UNKL: variants seen among roughly 807,000 people sequenced by gnomAD.
UNKL encodes putative E3 ubiquitin-protein ligase UNKL.
Under a neutral mutation model 78.0 loss-of-function variants are expected in UNKL, and 60 were observed. The ratio of observed to expected loss-of-function variants is 0.77; its 90% CI spans 0.63 to 0.95. UNKL has a LOEUF of 0.95. Ranked by LOEUF, UNKL falls within the 40% of genes least tolerant of loss-of-function variation. The pLI is 0.00. For synonymous variants in UNKL, 608 were observed against 474.8 expected (o/e 1.28, Z -3.65); for missense variants, 1,159 against 1,045.7 (o/e 1.11, Z -1.49).
intron 7 of UNKL, 128 bp from the exon 8 acceptor site, chr16:1,393,104 G>T: frequency 1.0e-6 from 1 of 960,532 alleles, no homozygotes; most frequent in Non-Finnish European, 1.6e-6. Flanking sequence ...CAGGGGTGCG[G>T]CAGAGGACGG....
chr16:1,396,974 T>G, intron 6 of UNKL: 1 of 577,562 alleles, frequency 1.7e-6, no homozygotes, highest in Non-Finnish European at 3.1e-6. Context: ...AGAGACTCGC[T>G]GGCTGAGGGC....
At position 1,370,377 on chromosome 16, in the gene UNKL, C is replaced by T. The variant is rs1439137121; in HGVS notation, c.1358-20G>A. On this transcript the variant is annotated intron_variant, in intron 11 of 14. Coordinates refer to ENST00000389221, the MANE Select transcript of UNKL (RefSeq NM_001372107.1). ...TGGGACCTGGCGGGGGCGGACCAGT[C>T]AGCGAAGGGAGTACCGCCAGGCCTC... 6.5e-7 allele frequency: 1 copy of T among 1,530,660 alleles called. No individual in the cohort carries two copies. Among genetic ancestry groups the T allele is most frequent in the Non-Finnish European group, 8.7e-7 (1 of 1,145,546 alleles). 94.8% of individuals were successfully genotyped at this position (1,530,660 alleles called of 1,614,324 possible). A position where few individuals can be genotyped will look rare whatever the true frequency, so the allele number is the denominator to read the frequency against.
At chr16:1,393,138 G>T (rs906524919) in intron 7 of UNKL, among the ~76,000 whole-genome samples, 162 bp from the exon 8 acceptor site, 1 of 152,196 alleles carries the variant, frequency 6.6e-6, no homozygotes, top group African/African-American at 2.4e-5. Flanking sequence ...GGGACACTCA[G>T]GGCAACAGGA....
At chr16:1,383,905 G>T (rs1427392222) in intron 10 of UNKL, 1 of 369,622 alleles carries the variant, frequency 2.7e-6, no homozygotes, top group African/African-American at 2.1e-5. Context: ...AGCAGAGGAT[G>T]TAGGAGAGGA....
In UNKL at chr16:1,399,115, T is replaced by C. The variant is rs1206913769; in HGVS notation, c.734+259A>G. On this transcript the variant is annotated intron_variant, in intron 5 of 14. Coordinates refer to ENST00000389221, the MANE Select transcript of UNKL (RefSeq NM_001372107.1). This position sits in a 1 kb window ranked among gnomAD's most constrained non-coding sequence, Gnocchi z 5.8. ...GTCCCTCCTGCAGTGCTCCGTCCCCTTGCCTGGCAGAGGGGCCCCGGTAGG... is the reference window on the plus strand; with the variant it reads ...GTCCCTCCTGCAGTGCTCCGTCCCCCTGCCTGGCAGAGGGGCCCCGGTAGG... 8.3e-7 allele frequency: 1 copy of C among 1,201,632 alleles called. No individual in the cohort carries two copies. Among genetic ancestry groups the C allele is most frequent in the Non-Finnish European group, 1.1e-6 (1 of 890,430 alleles). The allele number at this position is 1,201,632 out of a possible 1,614,324, so 74.4% of individuals were successfully genotyped here. A position where few individuals can be genotyped will look rare whatever the true frequency, so the allele number is the denominator to read the frequency against.
In UNKL at chr16:1,385,497, G is replaced by C. The variant is rs1042356436; in HGVS notation, c.1087-112C>G. 2.6e-6 allele frequency: 3 copies of C among 1,144,008 alleles called. No individual in the cohort carries two copies. In the East Asian group the frequency reaches 9.9e-5, roughly 38 times the overall value. 70.9% of individuals were successfully genotyped at this position (1,144,008 alleles called of 1,614,324 possible). On this transcript the variant is annotated intron_variant, in intron 9 of 14. Transcript: ENST00000389221. Reference sequence around the variant, plus strand: ...GACGGCGGCCAACTTCTACGCCCTGGCGAGGCCCAGGGAGAGCTTCCCAGA... The same window carrying C: ...GACGGCGGCCAACTTCTACGCCCTGCCGAGGCCCAGGGAGAGCTTCCCAGA...
intron 14 of UNKL, 140 bp downstream of exon 14, chr16:1,366,952 C>A: frequency 7.1e-7 from 1 of 1,407,808 alleles, no homozygotes; most frequent in Non-Finnish European, 9.2e-7. Flanking sequence ...GGGTGGGGCA[C>A]CGTCTCCTCC....
rs138288642 is a variant in UNKL, at chr16:1,370,340, C to T, written c.1375G>A (p.Gly459Ser). 0.021 allele frequency: 32,058 copies of T among 1,532,774 alleles called. 403 individuals carry two copies. The highest frequency in any genetic ancestry group is 0.025 in the Non-Finnish European group (28,444 of 1,145,926). The allele number at this position is 1,532,774 out of a possible 1,614,324, so 94.9% of individuals were successfully genotyped here. Reference protein sequence around the residue: ...LGAAGPRSLAGSAPVAIPGSL... With the variant: ...LGAAGPRSLASSAPVAIPGSL... Reference sequence around the variant, plus strand: ...CCGGGGATGGCGACAGGTGCAGAGCCGGCCAGCGACCTGGGACCTGGCGGG... The same window carrying T: ...CCGGGGATGGCGACAGGTGCAGAGCTGGCCAGCGACCTGGGACCTGGCGGG... The change falls in exon 12 of 15, where the codon GGC becomes AGC. Residue 459 changes from glycine to serine, a missense_variant. By Grantham distance (56) the Gly-to-Ser change is moderately conservative. Transcript: ENST00000389221.
chr16:1,391,089 G>A (rs1019757101), intron 8 of UNKL, among the ~76,000 whole-genome samples: 3 of 151,882 alleles, frequency 2.0e-5, no homozygotes, highest in African/African-American at 7.3e-5. Flanking sequence ...GGTGGAGGCT[G>A]CAGTGAGCCA....
At chr16:1,369,458 C>T (rs1240245362) in intron 12 of UNKL, among the ~76,000 whole-genome samples, 1 of 151,992 alleles carries the variant, frequency 6.6e-6, no homozygotes, top group Non-Finnish European at 1.5e-5. Flanking sequence ...CAAACTCCAC[C>T]TCCCAGGTTC....
At chr16:1,375,837 G>A (rs768605934) in intron 10 of UNKL, among the ~76,000 whole-genome samples, 11 of 152,282 alleles carry the variant, frequency 7.2e-5, no homozygotes, top group Admixed American at 6.5e-4. Flanking sequence ...TGGCGTCCCT[G>A]AGCGGACATC....
At chr16:1,405,254 GGAAA>G (rs754086499) in intron 2 of UNKL, among the ~76,000 whole-genome samples, 3 of 146,350 alleles carry the variant, frequency 2.0e-5, no homozygotes, top group Non-Finnish European at 4.5e-5. Flanking sequence ...GGGAGGGAGA[GGAAA>G]GAAAGACAGG....
intron 10 of UNKL, among the ~76,000 whole-genome samples, chr16:1,375,862 G>C (rs1357859671): frequency 6.6e-6 from 1 of 152,192 alleles, no homozygotes; most frequent in African/African-American, 2.4e-5. Flanking sequence ...CTGGCCTGCA[G>C]GGTGGGCCAG....
At chr16:1,412,646 C>T (rs1195348096) in intron 2 of UNKL, among the ~76,000 whole-genome samples, 1 of 152,230 alleles carries the variant, frequency 6.6e-6, no homozygotes, top group Non-Finnish European at 1.5e-5. Flanking sequence ...AAAAACTTTA[C>T]TGTCTTAAAA....
chr16:1,395,167 T>A (rs1455994234), intron 6 of UNKL, among the ~76,000 whole-genome samples: 1 of 112,782 alleles, frequency 8.9e-6, no homozygotes, highest in Non-Finnish European at 1.9e-5. Flanking sequence ...GTCTGTTCAT[T>A]TTTTTTTTTT....
intron 5 of UNKL, chr16:1,398,679 G>GCTGCCCCCC: frequency 7.4e-7 from 1 of 1,356,362 alleles, no homozygotes; most frequent in Non-Finnish European, 9.5e-7. Flanking sequence ...TGTGGGGTCT[G>GCTGCCCCCC]CACCCCCCCA....
chr16:1,378,152 G>GC (rs1268823103), intron 10 of UNKL, among the ~76,000 whole-genome samples: 4 of 152,134 alleles, frequency 2.6e-5, no homozygotes, highest in Admixed American at 6.6e-5. Flanking sequence ...TGCATGGAAT[G>GC]CCCCCCACTA....
intron 10 of UNKL, among the ~76,000 whole-genome samples, chr16:1,384,787 C>T (rs1407578320): frequency 2.0e-5 from 3 of 152,200 alleles, no homozygotes; most frequent in African/African-American, 4.8e-5. Context: ...TTAGTAGAGT[C>T]GGGGTCTCAC....
At chr16:1,374,513 G>A (rs1017083906) in intron 10 of UNKL, among the ~76,000 whole-genome samples, 6 of 152,162 alleles carry the variant, frequency 3.9e-5, no homozygotes, top group Non-Finnish European at 7.3e-5. Context: ...AGACCCGACC[G>A]TGGGGGTCGG....
Sources: gnomAD v4.1 joint callset for allele counts (sites outside exome capture counted in the v4.1 genomes callset) on GRCh38, gnomAD v4.1.1 for gene constraint, Gnocchi (gnomAD v3.1) non-coding constraint, MANE v1.5 for transcripts, NCBI Gene and HGNC (gene_info 2026-07-23, HGNC 2026-07-21) for gene names.